ESRRA: variants seen among roughly 807,000 people sequenced by gnomAD.
The protein encoded by ESRRA is steroid hormone receptor ERR1.
ESRRA carries 7 observed loss-of-function variants against 35.6 expected under a neutral mutation model. That is an observed-to-expected ratio of 0.20 (90% CI 0.11 to 0.37). The LOEUF (loss-of-function observed/expected upper bound fraction) is 0.37. Ranked by LOEUF, ESRRA falls within the 10% of genes least tolerant of loss-of-function variation. The pLI is 1.00. For missense variants in ESRRA, 378 were observed against 561.7 expected (o/e 0.67, Z 3.31); for synonymous variants, 223 against 246.9 (o/e 0.90, Z 0.91).
chr11:64,315,296 G>A (rs2035224796), intron 6 of ESRRA, 26 bp downstream of exon 6: 2 of 1,528,670 alleles, frequency 1.3e-6, no homozygotes, highest in East Asian at 2.3e-5. Flanking sequence ...GCACTGACAG[G>A]TGAGGTGTCT....
At chr11:64,315,319 C>T (rs763778235) in intron 6 of ESRRA, 49 bp downstream of exon 6, 7 of 1,506,548 alleles carry the variant, frequency 4.6e-6, no homozygotes, top group Non-Finnish European at 2.7e-6. Flanking sequence ...GTAAGGTCTT[C>T]AGGTTAACTC....
Position 64,316,140 on chromosome 11 carries a change from GTGTC to G in ESRRA, c.*175_*178del. The G allele has an allele frequency of 1.4e-6, 1 of 736,718 alleles. No individual in the cohort carries two copies. Among genetic ancestry groups the G allele is most frequent in the Non-Finnish European group, 2.2e-6 (1 of 459,348 alleles). The allele number at this position is 736,718 out of a possible 1,614,324, so 45.6% of individuals were successfully genotyped here. A position where few individuals can be genotyped will look rare whatever the true frequency, so the allele number is the denominator to read the frequency against. Reference sequence around the variant, plus strand: ...CGCCCTCTCCTCCCCCTCCTAGGGGGTGTCAGAAGCTGGGAACGTGTGTCCAGGC... The same window carrying G: ...CGCCCTCTCCTCCCCCTCCTAGGGGGAGAAGCTGGGAACGTGTGTCCAGGC... On this transcript the variant is annotated 3_prime_UTR_variant, in exon 7 of 7. Coordinates refer to ENST00000000442, the MANE Select transcript of ESRRA (RefSeq NM_004451.5).
chr11:64,315,329 C>G, intron 6 of ESRRA, 59 bp downstream of exon 6: 1 of 1,494,336 alleles, frequency 6.7e-7, no homozygotes, highest in South Asian at 1.4e-5. Flanking sequence ...CAGGTTAACT[C>G]AGTGACGGTA....
Position 64,313,356 on chromosome 11 carries a change from A to G in ESRRA, c.326-595A>G, listed in dbSNP as rs1477492592. On this transcript the variant is annotated intron_variant, in intron 2 of 6. Coordinates refer to ENST00000000442, the MANE Select transcript of ESRRA (RefSeq NM_004451.5). This position sits in a 1 kb window ranked among gnomAD's most constrained non-coding sequence, Gnocchi z 4.0. ...GAGGCAGCTGGAGAGATGGGTCTGG[A>G]GCTCACAGCAAGTCCAGGCTAGAGG... is the stretch of plus-strand genomic sequence containing the variant. Among the ~76,000 whole-genome samples, 1 of 152,142 alleles carries G rather than the reference A, an allele frequency of 6.6e-6. No individual in the cohort carries two copies. The highest frequency in any genetic ancestry group is 1.5e-5 in the Non-Finnish European group (1 of 68,018).
At chr11:64,307,838 AG>A (rs1243939793) in intron 2 of ESRRA, among the ~76,000 whole-genome samples, 1 of 151,992 alleles carries the variant, frequency 6.6e-6, no homozygotes, top group Admixed American at 6.6e-5. Context: ...TCCCCAGCAT[AG>A]AACATGTCCC....
At chr11:64,310,614 C>T (rs1383024028) in intron 2 of ESRRA, among the ~76,000 whole-genome samples, 2 of 134,194 alleles carry the variant, frequency 1.5e-5, no homozygotes, top group Non-Finnish European at 3.0e-5. Flanking sequence ...GGCCTGCAGT[C>T]GTGGTTCACT....
intron 2 of ESRRA, among the ~76,000 whole-genome samples, chr11:64,312,184 G>C (rs1458855823): frequency 6.6e-6 from 1 of 151,144 alleles, no homozygotes; most frequent in Non-Finnish European, 1.5e-5. Context: ...GTGTCACCCA[G>C]GCTGGAGTGC....
intron 2 of ESRRA, among the ~76,000 whole-genome samples, chr11:64,309,142 A>C (rs1450951647): frequency 6.7e-6 from 1 of 150,222 alleles, no homozygotes; most frequent in Admixed American, 6.7e-5. Flanking sequence ...AAAACAAAAA[A>C]ACCCAAAAAC....
Position 64,307,511 on chromosome 11 carries a change from C to A in ESRRA, c.325+7C>A, listed in dbSNP as rs1359712441. ...TTCAAGAGGACCATCCAGGGTGAGC[C>A]CCCAGCCCACTCCCCTGTCCTTTGC... On this transcript the variant is annotated splice_region_variant and intron_variant, in intron 2 of 6. Coordinates refer to ENST00000000442, the MANE Select transcript of ESRRA (RefSeq NM_004451.5). 2 of 1,500,020 alleles carry A rather than the reference C, an allele frequency of 1.3e-6. No individual in the cohort carries two copies. Among genetic ancestry groups the A allele is most frequent in the Non-Finnish European group, 8.9e-7 (1 of 1,123,156 alleles). The allele number at this position is 1,500,020 out of a possible 1,614,324, so 92.9% of individuals were successfully genotyped here.
At position 64,315,746 on chromosome 11, in the gene ESRRA, T is replaced by A; in HGVS notation, c.1052T>A (p.Leu351Gln). 6.2e-7 allele frequency: 1 copy of A among 1,613,960 alleles called. No individual in the cohort carries two copies. The highest frequency in any genetic ancestry group is 8.5e-7 in the Non-Finnish European group (1 of 1,179,828). Residue 351 changes from leucine to glutamine, a missense_variant, in exon 7 of 7, where the codon CTG (leucine) becomes CAG (glutamine). By Grantham distance (113) the Leu-to-Gln change is moderately radical (BLOSUM62 -2). Transcript: ENST00000000442. ...GAAGATGCCGAGGCTGTGGAGCAGC[T>A]GCGAGAAGCTCTGCACGAGGCCCTG... is the stretch of plus-strand genomic sequence containing the variant. ...HIEDAEAVEQ[L>Q]REALHEALLE...
At chr11:64,314,407 G>A in intron 4 of ESRRA, 40 bp downstream of exon 4, 1 of 1,501,348 alleles carries the variant, frequency 6.7e-7, no homozygotes, top group Non-Finnish European at 8.9e-7. Flanking sequence ...GAAACCGGAG[G>A]CCTATGTGTG....
chr11:64,306,872 T>G, intron 1 of ESRRA: 1 of 295,376 alleles, frequency 3.4e-6, no homozygotes, highest in Non-Finnish European at 6.3e-6. Flanking sequence ...GCCTGGGGGC[T>G]ACGGTTACCC....
Position 64,307,387 on chromosome 11 carries a change from G to A in ESRRA, c.208G>A (p.Val70Met). The A allele has an allele frequency of 6.2e-7, 1 of 1,601,538 alleles. No homozygotes were observed. Among genetic ancestry groups the A allele is most frequent in the Non-Finnish European group, 8.5e-7 (1 of 1,172,012 alleles). The change falls in exon 2 of 7, where the codon GTG becomes ATG. Residue 70 changes from valine to methionine, a missense_variant. Val to Met is a conservative substitution (Grantham distance 21). Transcript: ENST00000000442. ...GPGEQGGGKL[V>M]LSSLPKRLCL... ...TGGCGAGCAGGGCGGTGGGAAGCTG[G>A]TGCTCAGCTCCCTGCCCAAGCGCCT...
In ESRRA at chr11:64,307,345, G is replaced by T. The variant is rs1243054410; in HGVS notation, c.166G>T (p.Gly56Trp). ...CCCAGGCCACAAGGAAGAGGAGGATGGGGAGGGGGCTGGGCCTGGCGAGCA... is the reference window on the plus strand; with the variant it reads ...CCCAGGCCACAAGGAAGAGGAGGATTGGGAGGGGGCTGGGCCTGGCGAGCA... ...CLPGHKEEED[G>W]EGAGPGEQGG... is the part of the protein sequence containing the mutation. The change falls in exon 2 of 7, where the codon GGG becomes TGG. Residue 56 changes from glycine (G) to tryptophan (W), a missense_variant. Physicochemically the swap from Gly to Trp is radical, Grantham distance 184. Transcript: ENST00000000442. 9.3e-6 allele frequency: 15 copies of T among 1,612,158 alleles called. No homozygotes were observed. Among genetic ancestry groups the T allele is most frequent in the African/African-American group, 1.3e-5 (1 of 74,926 alleles).
chr11:64,311,215 C>T (rs2035133026), intron 2 of ESRRA, among the ~76,000 whole-genome samples: 2 of 152,232 alleles, frequency 1.3e-5, no homozygotes, highest in Admixed American at 1.3e-4. Flanking sequence ...TCGGCACAGA[C>T]CTGTTCTTTG....
Position 64,315,834 on chromosome 11 carries a change from G to T in ESRRA, c.1140G>T (p.Arg380Ser), listed in dbSNP as rs759575444. The change falls in exon 7 of 7, where the codon AGG becomes AGT. Residue 380 changes from arginine to serine, a missense_variant. Physicochemically the swap from Arg to Ser is moderately radical, Grantham distance 110. This residue lies in a region of ESRRA where 284 missense variants were observed against 411.7 expected (regional missense o/e 0.69). Coordinates refer to ENST00000000442, the MANE Select transcript of ESRRA (RefSeq NM_004451.5). ...GTGCTGAGCGGCGGCGGGCGGGCAGGCTGCTGCTCACGCTACCGCTCCTCC... is the reference window on the plus strand; with the variant it reads ...GTGCTGAGCGGCGGCGGGCGGGCAGTCTGCTGCTCACGCTACCGCTCCTCC... ...GGGAERRRAG[R>S]LLLTLPLLRQ... is the part of the protein sequence containing the mutation. 1.9e-6 allele frequency: 3 copies of T among 1,611,362 alleles called. No individual in the cohort carries two copies. In the East Asian group the frequency reaches 6.7e-5, roughly 36 times the overall value.
chr11:64,314,883 C>T lies in ESRRA; in HGVS notation c.714C>T (p.Val238=), dbSNP rs41294414. The change falls in exon 5 of 7, where the codon GTC becomes GTT. Residue 238 remains valine (V), a synonymous_variant. Coordinates refer to ENST00000000442, the MANE Select transcript of ESRRA (RefSeq NM_004451.5). ...ACCTCTTTGACCGAGAGATTGTGGT[C>T]ACCATCAGCTGGGCCAAGAGCATCC... is the stretch of plus-strand genomic sequence containing the variant. ...LCDLFDREIV[V]TISWAKSIPG... is the part of the protein sequence containing the mutation. The T allele has an allele frequency of 1.9e-6, 3 of 1,612,446 alleles. No homozygotes were observed. Among genetic ancestry groups the T allele is most frequent in the Middle Eastern group, 1.7e-4 (1 of 5,726 alleles).
rs778415114 is a variant in ESRRA at position 64,314,287 on chromosome 11, G to A, written c.491G>A (p.Arg164Gln). The change falls in exon 4 of 7, where the codon CGG (arginine) becomes CAG (glutamine). Residue 164 changes from arginine to glutamine, a missense_variant. Arg to Gln is a conservative substitution (Grantham distance 43). Coordinates refer to ENST00000000442, the MANE Select transcript of ESRRA (RefSeq NM_004451.5). Reference sequence around the variant, plus strand: ...GGTGGGCGGCAGAAGTACAAGCGGCGGCCGGAGGTGGACCCACTGCCCTTC... The same window carrying A: ...GGTGGGCGGCAGAAGTACAAGCGGCAGCCGGAGGTGGACCCACTGCCCTTC... ...VRGGRQKYKR[R>Q]PEVDPLPFPG... is the part of the protein sequence containing the mutation. 19 of 1,611,750 alleles carry A rather than the reference G, an allele frequency of 1.2e-5. No individual in the cohort carries two copies. Among genetic ancestry groups the A allele is most frequent in the Non-Finnish European group, 1.6e-5 (19 of 1,179,526 alleles).
At chr11:64,314,165 G>A (rs2035193621) in intron 3 of ESRRA, 74 bp from the exon 4 acceptor site, 17 of 1,562,866 alleles carry the variant, frequency 1.1e-5, no homozygotes, top group Non-Finnish European at 1.4e-5. Flanking sequence ...GACTCGGGGA[G>A]GACAGCTCTG....
Sources: gnomAD v4.1 joint callset for allele counts (sites outside exome capture counted in the v4.1 genomes callset) on GRCh38, gnomAD v4.1.1 for gene constraint, gnomAD v4.1.1 regional missense constraint, Gnocchi (gnomAD v3.1) non-coding constraint, MANE v1.5 for transcripts, NCBI Gene and HGNC (gene_info 2026-07-23, HGNC 2026-07-21) for gene names.